GSG1L: variants seen among roughly 807,000 people sequenced by gnomAD.
GSG1L encodes GSG1 like.
In GSG1L, 24 loss-of-function variants were observed where a neutral mutation model predicts 42.1. The ratio of observed to expected loss-of-function variants is 0.57; its 90% confidence interval spans 0.41 to 0.80. The LOEUF (loss-of-function observed/expected upper bound fraction) is 0.80, where lower values mean the gene tolerates loss of function less well. GSG1L is among the 30% of genes least tolerant of loss of function. The pLI is 0.00. For synonymous variants in GSG1L, 215 were observed against 203.5 expected, an observed-to-expected ratio of 1.06 and a Z score of -0.48; for missense variants, 445 against 472.2, an observed-to-expected ratio of 0.94 and a Z score of 0.53.
intron 1 of GSG1L, among the ~76,000 whole-genome samples, chr16:28,058,835 G>T (rs879811107): frequency 6.6e-6 from 1 of 152,188 alleles, no homozygotes; most frequent in Non-Finnish European, 1.5e-5. Context: ...GGGCAGAAGA[G>T]CTGGGGTTCT....
chr16:27,881,403 A>G (rs1438812915), intron 3 of GSG1L, among the ~76,000 whole-genome samples: 3 of 151,766 alleles, frequency 2.0e-5, no homozygotes, highest in Non-Finnish European at 4.4e-5. Flanking sequence ...CACCATGCCC[A>G]GCTAATTTTT....
chr16:27,967,381 C>A (rs2067877990), intron 1 of GSG1L, among the ~76,000 whole-genome samples: 1 of 152,306 alleles, frequency 6.6e-6, no homozygotes, highest in South Asian at 2.1e-4. Flanking sequence ...TATGTCACTC[C>A]TTCCAAAGAA....
chr16:27,972,766 T>C (rs958884674), intron 1 of GSG1L, among the ~76,000 whole-genome samples: 17 of 152,232 alleles, frequency 1.1e-4, no homozygotes, highest in Non-Finnish European at 2.9e-5. Flanking sequence ...TCTGATTTCA[T>C]TGGTCAGGGT....
intron 1 of GSG1L, among the ~76,000 whole-genome samples, chr16:27,984,248 A>C (rs11866626): frequency 0.33 from 49,480 of 151,996 alleles, 10,381 homozygotes; most frequent in African/African-American, 0.59. Flanking sequence ...GCTCCCTTGG[A>C]CCTTGGAGGT....
chr16:27,939,973 G>A (rs1313989781), intron 2 of GSG1L, among the ~76,000 whole-genome samples: 3 of 152,140 alleles, frequency 2.0e-5, no homozygotes, highest in African/African-American at 7.2e-5. Flanking sequence ...AAGCCATCGT[G>A]CCTGGCTGGG....
chr16:27,835,334 A>G (rs2083311864), intron 4 of GSG1L, among the ~76,000 whole-genome samples: 1 of 152,134 alleles, frequency 6.6e-6, no homozygotes, highest in Admixed American at 6.5e-5. Context: ...TCTTTTGATT[A>G]ATGCTTACAT....
intron 5 of GSG1L, among the ~76,000 whole-genome samples, chr16:27,827,816 A>C (rs1207663120): frequency 6.6e-6 from 1 of 151,882 alleles, no homozygotes; most frequent in Admixed American, 6.5e-5. Flanking sequence ...CAATCCATTC[A>C]TCCAACCATT....
At chr16:27,956,800 G>GAA (rs750646949) in intron 2 of GSG1L, among the ~76,000 whole-genome samples, 2 of 142,968 alleles carry the variant, frequency 1.4e-5, no homozygotes, top group Non-Finnish European at 1.5e-5. Flanking sequence ...GACATGTGAG[G>GAA]AAAAAAAAAA....
At chr16:27,864,246 C>T (rs966212605) in intron 3 of GSG1L, among the ~76,000 whole-genome samples, 2 of 152,220 alleles carry the variant, frequency 1.3e-5, no homozygotes, top group African/African-American at 4.8e-5. Flanking sequence ...ATTGGCCGGG[C>T]TTTGGGGCCA....
At position 28,035,511 on chromosome 16, in the gene GSG1L, C is replaced by T. The variant is rs536311975; in HGVS notation, c.349+27565G>A. On this transcript the variant is annotated intron_variant, in intron 1 of 6. Transcript: ENST00000447459. The stretch of plus-strand genomic sequence containing the variant: ...ACTGATTTTATAGCACACATGTACC[C>T]CATCACAAGAGCAGGCAGTGGGGGC... 8.5e-5 allele frequency among the ~76,000 whole-genome samples: 13 copies of T among 152,214 alleles called. No individual in the cohort carries two copies. The South Asian group carries it at 2.5e-3, about 29-fold the overall frequency.
intron 3 of GSG1L, among the ~76,000 whole-genome samples, chr16:27,846,953 T>A: frequency 2.3e-5 from 2 of 87,440 alleles, no homozygotes; most frequent in African/African-American, 5.2e-5. Flanking sequence ...GGAGACTCCG[T>A]CTCAAAAAAA....
chr16:27,852,419 G>A (rs1207155874), intron 3 of GSG1L, among the ~76,000 whole-genome samples: 1 of 152,094 alleles, frequency 6.6e-6, no homozygotes, highest in African/African-American at 2.4e-5. Context: ...ACACAGGCTG[G>A]GCACCTCTCG....
At chr16:28,028,109 C>T (rs2085920423) in intron 1 of GSG1L, among the ~76,000 whole-genome samples, 1 of 152,174 alleles carries the variant, frequency 6.6e-6, no homozygotes, top group Non-Finnish European at 1.5e-5. Context: ...CTATCACAAG[C>T]CCAAGAGTCA....
rs2086091333 is a variant in GSG1L, at chr16:28,040,232, G to GA, written c.349+22843_349+22844insT. On this transcript the variant is annotated intron_variant, in intron 1 of 6. Coordinates refer to ENST00000447459, the MANE Select transcript of GSG1L (RefSeq NM_001109763.2). This position sits in a 1 kb window ranked among gnomAD's most constrained non-coding sequence, Gnocchi z 4.1. ...CTTCAGGTCCCTCTCCCACCCGAGG[G>GA]CCTTTTCACTTGCGATTGCCTCCGT... Among the ~76,000 whole-genome samples the GA allele has an allele frequency of 6.6e-6, 1 of 152,122 alleles. No individual in the cohort carries two copies. The highest frequency in any genetic ancestry group is 2.1e-4 in the South Asian group (1 of 4,822).
At chr16:27,987,195 C>G (rs142589589) in intron 1 of GSG1L, among the ~76,000 whole-genome samples, 1 of 142,224 alleles carries the variant, frequency 7.0e-6, no homozygotes. Context: ...CCAGCCTGGG[C>G]GACAAGAGTG....
At chr16:27,799,864 G>A (rs1485831180) in intron 6 of GSG1L, among the ~76,000 whole-genome samples, 1 of 152,208 alleles carries the variant, frequency 6.6e-6, no homozygotes, top group Non-Finnish European at 1.5e-5. Flanking sequence ...ACAAAATGCA[G>A]ACTGGCTTCT....
chr16:27,971,620 T>C (rs2085194080), intron 1 of GSG1L, among the ~76,000 whole-genome samples: 1 of 152,212 alleles, frequency 6.6e-6, no homozygotes, highest in African/African-American at 2.4e-5. Flanking sequence ...ATTTCCAATC[T>C]TGATCTCTTT....
chr16:27,863,641 G>A lies in GSG1L; in HGVS notation c.551-18580C>T, dbSNP rs184678484. Among the ~76,000 whole-genome samples, 8 of 152,270 alleles carry A rather than the reference G, an allele frequency of 5.3e-5. No homozygotes were observed. In the East Asian group the frequency reaches 1.5e-3, roughly 29 times the overall value. ...CACTGATATCCCAGAGGTACAGCTG[G>A]GCTTGGCAACAGGGGATTCCAGGCC... On this transcript the variant is annotated intron_variant, in intron 3 of 6. Coordinates refer to ENST00000447459, the MANE Select transcript of GSG1L (RefSeq NM_001109763.2).
At chr16:27,846,158 A>G (rs188388067) in intron 3 of GSG1L, among the ~76,000 whole-genome samples, 3 of 152,286 alleles carry the variant, frequency 2.0e-5, no homozygotes, top group Admixed American at 6.5e-5. Context: ...CTAACTGTTC[A>G]TTCTGTCCCA....
Sources: gnomAD v4.1 joint callset for allele counts (sites outside exome capture counted in the v4.1 genomes callset) on GRCh38, gnomAD v4.1.1 for gene constraint, Gnocchi (gnomAD v3.1) non-coding constraint, MANE v1.5 for transcripts, NCBI Gene and HGNC (gene_info 2026-07-23, HGNC 2026-07-21) for gene names.